ATP8A1: variants seen among roughly 807,000 people sequenced by gnomAD.
ATP8A1 encodes the protein phospholipid-transporting ATPase IA.
In ATP8A1, 90 loss-of-function variants were observed where a neutral mutation model predicts 177.7. The ratio of observed to expected loss-of-function variants is 0.51; its 90% confidence interval spans 0.43 to 0.60. The LOEUF (loss-of-function observed/expected upper bound fraction) is 0.60. Ranked by LOEUF, ATP8A1 falls within the 20% of genes least tolerant of loss-of-function variation. The probability of loss-of-function intolerance (pLI) is 0.00; values close to 1 mark genes in which losing one functional copy is unlikely to be tolerated. For missense variants in ATP8A1, 1,072 were observed against 1,392.8 expected (o/e 0.77, Z 3.67); for synonymous variants, 493 against 485.9 (o/e 1.01, Z -0.19).
chr4:42,613,843 C>A (rs549424002), intron 5 of ATP8A1, among the ~76,000 whole-genome samples: 2 of 151,986 alleles, frequency 1.3e-5, no homozygotes, highest in African/African-American at 4.8e-5. Context: ...CTCAGCCTCC[C>A]AAAGGGCTGG....
chr4:42,536,211 T>C (rs1364718960), intron 20 of ATP8A1, among the ~76,000 whole-genome samples: 1 of 152,128 alleles, frequency 6.6e-6, no homozygotes, highest in African/African-American at 2.4e-5. Context: ...ATTAGTGAGA[T>C]TAACCAAGAA....
At chr4:42,527,080 G>A (rs1726746583) in intron 20 of ATP8A1, among the ~76,000 whole-genome samples, 1 of 152,182 alleles carries the variant, frequency 6.6e-6, no homozygotes, top group African/African-American at 2.4e-5. Context: ...TAAGTTCAGT[G>A]GACAAAGTAA....
At chr4:42,571,463 A>T (rs1451199820) in intron 14 of ATP8A1, among the ~76,000 whole-genome samples, 6 of 142,668 alleles carry the variant, frequency 4.2e-5, no homozygotes, top group African/African-American at 1.0e-4. Context: ...AAAGGTCTAA[A>T]TTTTTTTTTT....
At chr4:42,547,757 C>T (rs1209001073) in intron 19 of ATP8A1, among the ~76,000 whole-genome samples, 3 of 152,100 alleles carry the variant, frequency 2.0e-5, no homozygotes, top group Non-Finnish European at 2.9e-5. Flanking sequence ...GTCAGACAGA[C>T]TGCATTATTT....
chr4:42,633,836 C>T (rs1238368394), intron 1 of ATP8A1, among the ~76,000 whole-genome samples: 1 of 152,090 alleles, frequency 6.6e-6, no homozygotes, highest in South Asian at 2.1e-4. Flanking sequence ...TCAGAGAAGA[C>T]GTCTCAAGGA....
chr4:42,561,063 A>C (rs573798276), intron 15 of ATP8A1, among the ~76,000 whole-genome samples: 7 of 152,200 alleles, frequency 4.6e-5, no homozygotes, highest in Admixed American at 4.6e-4. Context: ...TATATATGTA[A>C]ATTCAAGCGA....
rs531248597 is a variant in ATP8A1, at chr4:42,600,593, T to C, written c.410-75A>G. ...GGCCATTTCTGATGAAATAATAATT[T>C]TAAACGAATAGCTTCAGTCAAAATA... On this transcript the variant is annotated intron_variant, in intron 5 of 36. Coordinates refer to ENST00000381668, the MANE Select transcript of ATP8A1 (RefSeq NM_006095.2). 290 of 1,344,070 alleles carry C rather than the reference T, an allele frequency of 2.2e-4. 1 individual carries two copies. The highest frequency in any genetic ancestry group is 5.9e-4 in the Admixed American group (27 of 45,818). 83.3% of individuals were successfully genotyped at this position (1,344,070 alleles called of 1,614,324 possible). A position where few individuals can be genotyped will look rare whatever the true frequency, so the allele number is the denominator to read the frequency against.
chr4:42,579,151 G>C (rs1489182741), intron 11 of ATP8A1, among the ~76,000 whole-genome samples: 1 of 151,730 alleles, frequency 6.6e-6, no homozygotes, highest in Non-Finnish European at 1.5e-5. Flanking sequence ...GAAATATCCA[G>C]GGGTGGTACA....
chr4:42,637,026 T>C (rs1189574673), intron 1 of ATP8A1: 2 of 464,486 alleles, frequency 4.3e-6, no homozygotes, highest in African/African-American at 4.0e-5. Flanking sequence ...CAGAATCATT[T>C]CAGTCCTCTG....
intron 15 of ATP8A1, among the ~76,000 whole-genome samples, chr4:42,558,603 T>C (rs1197565630): frequency 6.6e-6 from 1 of 152,216 alleles, no homozygotes; most frequent in Non-Finnish European, 1.5e-5. Context: ...TGTCCTTGCA[T>C]ATGACAGTAT....
chr4:42,546,792 C>T (rs948008892), intron 19 of ATP8A1, among the ~76,000 whole-genome samples: 5 of 152,178 alleles, frequency 3.3e-5, no homozygotes, highest in African/African-American at 1.2e-4. Context: ...AACCTTGCAG[C>T]AGTCTCCGAC....
intron 29 of ATP8A1, among the ~76,000 whole-genome samples, chr4:42,454,766 T>G (rs1267751662): frequency 6.6e-6 from 1 of 152,224 alleles, no homozygotes; most frequent in Non-Finnish European, 1.5e-5. Flanking sequence ...ATTTTAGAGC[T>G]TGGAAATACT....
chr4:42,571,424 T>C (rs1731891763), intron 14 of ATP8A1, among the ~76,000 whole-genome samples: 1 of 152,130 alleles, frequency 6.6e-6, no homozygotes, highest in African/African-American at 2.4e-5. Context: ...ATAGACTGTA[T>C]CTTGTTAAGC....
chr4:42,584,720 A>G (rs2109352476), intron 9 of ATP8A1, among the ~76,000 whole-genome samples: 1 of 152,240 alleles, frequency 6.6e-6, no homozygotes, highest in Admixed American at 6.5e-5. Context: ...TTCCATCCTC[A>G]TGGCTTTAAA....
intron 7 of ATP8A1, among the ~76,000 whole-genome samples, chr4:42,589,467 C>T (rs927936132): frequency 6.6e-6 from 1 of 151,910 alleles, no homozygotes; most frequent in Non-Finnish European, 1.5e-5. Flanking sequence ...TTTTGTGGCC[C>T]GAAGATTTGT....
chr4:42,427,532 T>C (rs186535886), intron 33 of ATP8A1, among the ~76,000 whole-genome samples: 1 of 152,210 alleles, frequency 6.6e-6, no homozygotes, highest in Admixed American at 6.5e-5. Flanking sequence ...CAATTTATAT[T>C]CCCACCAGCA....
intron 24 of ATP8A1, among the ~76,000 whole-genome samples, chr4:42,493,816 G>C (rs1379763537): frequency 6.6e-6 from 1 of 152,080 alleles, no homozygotes; most frequent in African/African-American, 2.4e-5. Context: ...CTTTATTTGT[G>C]AATAAAGTGC....
rs149722558 is a variant in ATP8A1, at chr4:42,412,155, G to C, written c.*761C>G. 2 of 152,118 alleles carry C rather than the reference G, an allele frequency of 1.3e-5. No individual in the cohort carries two copies. Among genetic ancestry groups the C allele is most frequent in the Non-Finnish European group, 2.9e-5 (2 of 68,010 alleles). 9.4% of individuals were successfully genotyped at this position (152,118 alleles called of 1,614,324 possible). A position where few individuals can be genotyped will look rare whatever the true frequency, so the allele number is the denominator to read the frequency against. ...CATAACAACAGAGTCACATTAACAC[G>C]TGTGTCCTCTAACAAATAAACACGA... is the stretch of plus-strand genomic sequence containing the variant. On this transcript the variant is annotated 3_prime_UTR_variant, in exon 37 of 37. Coordinates refer to ENST00000381668, the MANE Select transcript of ATP8A1 (RefSeq NM_006095.2).
At chr4:42,513,261 C>G (rs1725197487) in intron 22 of ATP8A1, among the ~76,000 whole-genome samples, 1 of 152,140 alleles carries the variant, frequency 6.6e-6, no homozygotes, top group African/African-American at 2.4e-5. Flanking sequence ...AGCCTTTAAA[C>G]TGTAATACAG....
Sources: gnomAD v4.1 joint callset for allele counts (sites outside exome capture counted in the v4.1 genomes callset) on GRCh38, gnomAD v4.1.1 for gene constraint, MANE v1.5 for transcripts, NCBI Gene and HGNC (gene_info 2026-07-23, HGNC 2026-07-21) for gene names.